The following MTUS1 variants were observed in gnomAD, a reference collection of about 807,000 sequenced individuals.
MTUS1 encodes the protein microtubule associated scaffold protein 1, also known as microtubule-associated tumor suppressor 1.
Under a neutral mutation model 120.8 loss-of-function variants are expected in MTUS1, and 109 were observed. The observed-to-expected ratio is 0.90, with a 90% CI of 0.77 to 1.06. The LOEUF (loss-of-function observed/expected upper bound fraction) is 1.06, where lower values mean the gene tolerates loss of function less well. Among genes scored for constraint, MTUS1 ranks in the 50% least tolerant of loss-of-function variants. The pLI is 0.00. For synonymous variants in MTUS1, 737 were observed against 550.5 expected (o/e 1.34, Z -4.74); for missense variants, 2,210 against 1,486.3 (o/e 1.49, Z -8.01).
chr8:17,759,874 C>A (rs2048902379), intron 1 of MTUS1, among the ~76,000 whole-genome samples: 1 of 151,582 alleles, frequency 6.6e-6, no homozygotes, highest in South Asian at 2.1e-4. Context: ...TTAACTTTCA[C>A]TTAACATTTT....
At chr8:17,767,533 T>TA (rs71543699) in intron 1 of MTUS1, among the ~76,000 whole-genome samples, 56,229 of 141,246 alleles carry the variant, frequency 0.4, 12,505 homozygotes, top group Middle Eastern at 0.56. Flanking sequence ...CCCATCTCTT[T>TA]AAAAAAAAAA....
chr8:17,777,228 T>A (rs1171051825), intron 1 of MTUS1, among the ~76,000 whole-genome samples: 5 of 151,890 alleles, frequency 3.3e-5, no homozygotes, highest in Non-Finnish European at 7.4e-5. Context: ...CCTGAGGTCA[T>A]GAGTTCGAGA....
chr8:17,647,556 TG>T (rs1806084126), intron 13 of MTUS1, among the ~76,000 whole-genome samples: 1 of 152,138 alleles, frequency 6.6e-6, no homozygotes. Context: ...CTCAGTTTCA[TG>T]GTAAGTTTTC....
chr8:17,649,502 G>C (rs1806524189), intron 13 of MTUS1, among the ~76,000 whole-genome samples: 1 of 152,130 alleles, frequency 6.6e-6, no homozygotes, highest in South Asian at 2.1e-4. Context: ...AACCTGTCCA[G>C]GGTGGCTGGT....
chr8:17,664,308 G>T (rs188049169), intron 8 of MTUS1, among the ~76,000 whole-genome samples: 199 of 152,264 alleles, frequency 1.3e-3, no homozygotes, highest in African/African-American at 4.6e-3. Flanking sequence ...AAAGAAAAGT[G>T]CCAGGCAAAT....
chr8:17,774,742 CA>C (rs1309484915), intron 1 of MTUS1, among the ~76,000 whole-genome samples: 3 of 152,094 alleles, frequency 2.0e-5, no homozygotes, highest in Middle Eastern at 3.4e-3. Flanking sequence ...CTTATACCCC[CA>C]AAAGCAGAAA....
chr8:17,648,149 T>C (rs541690025), intron 13 of MTUS1, among the ~76,000 whole-genome samples: 6 of 152,222 alleles, frequency 3.9e-5, no homozygotes, highest in African/African-American at 1.4e-4. Flanking sequence ...GAGCTGATTA[T>C]GGGCAGTGCC....
chr8:17,723,470 AT>A, intron 4 of MTUS1: 1 of 636,456 alleles, frequency 1.6e-6, no homozygotes, highest in Non-Finnish European at 2.8e-6. Context: ...TCATGCAAAA[AT>A]ATACTTTAAC....
chr8:17,702,579 T>C (rs1819317174), intron 6 of MTUS1, among the ~76,000 whole-genome samples: 1 of 152,212 alleles, frequency 6.6e-6, no homozygotes, highest in Non-Finnish European at 1.5e-5. Context: ...TCTACTCTGT[T>C]TCTGACTTTG....
chr8:17,686,133 A>G (rs1815748186), intron 6 of MTUS1, among the ~76,000 whole-genome samples: 2 of 152,182 alleles, frequency 1.3e-5, no homozygotes, highest in Non-Finnish European at 2.9e-5. Context: ...CATCCTCCCA[A>G]TAACCCCAGA....
Position 17,724,899 on chromosome 8 carries a change from A to G in MTUS1, c.2288-1066T>C, listed in dbSNP as rs191730161. Among the ~76,000 whole-genome samples, 17 of 152,270 alleles carry G rather than the reference A, an allele frequency of 1.1e-4. No homozygotes were observed. In the East Asian group the frequency reaches 3.1e-3, roughly 28 times the overall value. On this transcript the variant is annotated intron_variant, in intron 3 of 14. Coordinates refer to ENST00000693296, the MANE Select transcript of MTUS1 (RefSeq NM_001363059.2). ...CTCTAGGTTTTCATCTTAGACCGAC[A>G]TGCTCCTGTTTATGCTAATTATAGC...
chr8:17,741,239 C>T (rs2131250931), intron 3 of MTUS1, among the ~76,000 whole-genome samples: 1 of 152,198 alleles, frequency 6.6e-6, no homozygotes, highest in East Asian at 1.9e-4. Context: ...ACTCTTATGA[C>T]CCCGTTTAAC....
chr8:17,723,303 T>G (rs1441029959), intron 4 of MTUS1: 2 of 278,202 alleles, frequency 7.2e-6, no homozygotes, highest in Non-Finnish European at 1.4e-5. Context: ...TTACACAAAA[T>G]CTAGCATCCA....
intron 1 of MTUS1, chr8:17,770,590 T>A (rs569065696): frequency 6.6e-6 from 1 of 152,184 alleles, no homozygotes; most frequent in Non-Finnish European, 1.5e-5. Flanking sequence ...CTACAGGAAA[T>A]ACAAACACCA....
chr8:17,716,204 C>T (rs1251095071), intron 4 of MTUS1, among the ~76,000 whole-genome samples: 2 of 152,198 alleles, frequency 1.3e-5, no homozygotes, highest in Non-Finnish European at 2.9e-5. Flanking sequence ...ACAGCCACTT[C>T]ATGCTATGTA....
intron 1 of MTUS1, among the ~76,000 whole-genome samples, chr8:17,773,658 G>C (rs749973971): frequency 6.6e-5 from 10 of 152,108 alleles, no homozygotes; most frequent in Non-Finnish European, 4.4e-5. Context: ...TTCTTAGGAA[G>C]CCACCAGTCC....
chr8:17,703,559 G>A (rs1040306600), intron 6 of MTUS1, among the ~76,000 whole-genome samples: 2 of 151,032 alleles, frequency 1.3e-5, no homozygotes, highest in African/African-American at 4.9e-5. Context: ...AACCTGGGAG[G>A]CAGAGCTTGC....
At chr8:17,800,053 A>T (rs6586651) in intron 1 of MTUS1, among the ~76,000 whole-genome samples, 124,350 of 152,156 alleles carry the variant, frequency 0.82, 51,301 homozygotes, top group Non-Finnish European at 0.86. Flanking sequence ...GAAAAAGCAA[A>T]CTGTCTACAG....
At chr8:17,745,642 G>C (rs753058188) in intron 2 of MTUS1, among the ~76,000 whole-genome samples, 26 of 152,200 alleles carry the variant, frequency 1.7e-4, no homozygotes, top group Non-Finnish European at 3.7e-4. Flanking sequence ...AAGATCACCA[G>C]TGTCACAAGT....
Sources: gnomAD v4.1 joint callset for allele counts (sites outside exome capture counted in the v4.1 genomes callset) on GRCh38, gnomAD v4.1.1 for gene constraint, MANE v1.5 for transcripts, NCBI Gene and HGNC (gene_info 2026-07-23, HGNC 2026-07-21) for gene names.